The following SC5D variants were observed in gnomAD, a reference collection of about 807,000 sequenced individuals.
SC5D encodes the protein lathosterol oxidase.
SC5D carries 21 observed loss-of-function variants against 23.9 expected under a neutral mutation model. That is an observed-to-expected ratio of 0.88 (90% confidence interval 0.62 to 1.26). The LOEUF is 1.26. SC5D is among the 50% of genes most tolerant of loss of function. The pLI, the probability that SC5D is intolerant of heterozygous loss-of-function variation, is 0.00. For missense variants in SC5D, 309 were observed against 364.8 expected (o/e 0.85, Z 1.25); for synonymous variants, 113 against 125.9 (o/e 0.90, Z 0.68).
At chr11:121,298,889 T>G (rs1182626384) in intron 1 of SC5D, among the ~76,000 whole-genome samples, 1 of 151,578 alleles carries the variant, frequency 6.6e-6, no homozygotes, top group Non-Finnish European at 1.5e-5. Context: ...TCAAAGGGAG[T>G]TGTTCTCTTG....
intron 3 of SC5D, chr11:121,305,474 A>G (rs1047108338): frequency 7.9e-5 from 12 of 152,240 alleles, no homozygotes; most frequent in Admixed American, 7.9e-4. Context: ...CAATCCTGTA[A>G]TCCCAGCACT....
Position 121,307,519 on chromosome 11 carries a change from G to A in SC5D, c.*7G>A, listed in dbSNP as rs1284043914. The A allele has an allele frequency of 1.3e-6, 2 of 1,555,024 alleles. No homozygotes were observed. The highest frequency in any genetic ancestry group is 2.3e-5 in the South Asian group (2 of 86,466). ...GTTTACAAAGACTGAATAGATTATT[G>A]CCCAGTTATTCTTAAGTAAGGACAA... On this transcript the variant is annotated 3_prime_UTR_variant, in exon 5 of 5. Coordinates refer to ENST00000264027, the MANE Select transcript of SC5D (RefSeq NM_006918.5).
intron 2 of SC5D, 144 bp downstream of exon 2, chr11:121,303,729 ATGAGGGTTAATCCC>A: frequency 1.6e-6 from 1 of 640,722 alleles, no homozygotes; most frequent in Non-Finnish European, 2.7e-6. Flanking sequence ...AGATATTTTC[ATGAGGGTTAATCCC>A]TGCTCTCCTT....
intron 3 of SC5D, chr11:121,306,122 T>C: frequency 2.3e-6 from 1 of 435,796 alleles, no homozygotes; most frequent in East Asian, 4.8e-5. Context: ...CTTAGGAGTA[T>C]CCTGTCTCAC....
Position 121,311,681 on chromosome 11 carries a change from T to C in SC5D, c.*4169T>C, listed in dbSNP as rs1240599404. ...CAGGAACTTTGGAGATAAACAGGGC[T>C]CTGCCACTTGCAAGTTGCACCATCC... On this transcript the variant is annotated 3_prime_UTR_variant, in exon 5 of 5. Transcript: ENST00000264027. Among the ~76,000 whole-genome samples, 5 of 152,236 alleles carry C rather than the reference T, an allele frequency of 3.3e-5. No individual in the cohort carries two copies. Among genetic ancestry groups the C allele is most frequent in the African/African-American group, 1.2e-4 (5 of 41,458 alleles).
intron 1 of SC5D, among the ~76,000 whole-genome samples, chr11:121,296,823 A>C (rs920381219): frequency 6.6e-6 from 1 of 152,198 alleles, no homozygotes; most frequent in Non-Finnish European, 1.5e-5. Context: ...TTTCCTGACA[A>C]AGTGAGGAAA....
intron 2 of SC5D, 47 bp downstream of exon 2, chr11:121,303,632 C>T (rs377161081): frequency 2.1e-6 from 3 of 1,426,562 alleles, no homozygotes; most frequent in Non-Finnish European, 2.9e-6. Context: ...GTAAAAATAA[C>T]AATATGATAT....
rs1033717009 is a variant in SC5D at position 121,312,399 on chromosome 11, T to C, written c.*4887T>C. On this transcript the variant is annotated 3_prime_UTR_variant, in exon 5 of 5. Coordinates refer to ENST00000264027, the MANE Select transcript of SC5D (RefSeq NM_006918.5). ...ATGAGAAATTACATTCCCATTTCTT[T>C]AACAATTTGTAAATTCCAATTATCC... is the stretch of plus-strand genomic sequence containing the variant. Among the ~76,000 whole-genome samples the C allele has an allele frequency of 6.6e-6, 1 of 152,236 alleles. No homozygotes were observed. Among genetic ancestry groups the C allele is most frequent in the African/African-American group, 2.4e-5 (1 of 41,472 alleles).
In SC5D at chr11:121,307,560, C is replaced by A; in HGVS notation, c.*48C>A. 7.8e-7 allele frequency: 1 copy of A among 1,278,878 alleles called. No homozygotes were observed. Among genetic ancestry groups the A allele is most frequent in the Non-Finnish European group, 1.1e-6 (1 of 917,460 alleles). 79.2% of individuals were successfully genotyped at this position (1,278,878 alleles called of 1,614,324 possible). On this transcript the variant is annotated 3_prime_UTR_variant, in exon 5 of 5. Coordinates refer to ENST00000264027, the MANE Select transcript of SC5D (RefSeq NM_006918.5). Reference sequence around the variant, plus strand: ...GTAAGGACAAAGAAGGAAATATCATCGTATTTCTTTTTTTTAATAAGGAAA... The same window carrying A: ...GTAAGGACAAAGAAGGAAATATCATAGTATTTCTTTTTTTTAATAAGGAAA...
At position 121,306,497 on chromosome 11, in the gene SC5D, T is replaced by C. The variant is rs760625340; in HGVS notation, c.444+11T>C. ...AGACTGGTATATAAGGTAAAGTCAT[T>C]TGTGGTGAAAAGAGAAAAAAGGTTA... is the stretch of plus-strand genomic sequence containing the variant. On this transcript the variant is annotated intron_variant, in intron 4 of 4. Transcript: ENST00000264027. 104 of 1,259,482 alleles carry C rather than the reference T, an allele frequency of 8.3e-5. No homozygotes were observed. Among genetic ancestry groups the C allele is most frequent in the Non-Finnish European group, 4.1e-5 (35 of 856,464 alleles). The allele number at this position is 1,259,482 out of a possible 1,614,324, so 78.0% of individuals were successfully genotyped here. A position where few individuals can be genotyped will look rare whatever the true frequency, so the allele number is the denominator to read the frequency against.
At chr11:121,301,811 T>C (rs973390781) in intron 1 of SC5D, among the ~76,000 whole-genome samples, 53 of 152,128 alleles carry the variant, frequency 3.5e-4, no homozygotes, top group African/African-American at 1.3e-3. Context: ...ATGATATTTA[T>C]GTAGGGATGG....
At chr11:121,307,013 C>T (rs778072379) in intron 4 of SC5D, 44 bp from the exon 5 acceptor site, 59 of 1,515,592 alleles carry the variant, frequency 3.9e-5, no homozygotes, top group Non-Finnish European at 5.0e-5. Context: ...GAATGTTGCA[C>T]GGGGTAAAGT....
chr11:121,309,298 A>C lies in SC5D; in HGVS notation c.*1786A>C, dbSNP rs1183301074. 6.6e-6 allele frequency among the ~76,000 whole-genome samples: 1 copy of C among 152,156 alleles called. No homozygotes were observed. The highest frequency in any genetic ancestry group is 1.5e-5 in the Non-Finnish European group (1 of 68,026). On this transcript the variant is annotated 3_prime_UTR_variant, in exon 5 of 5. Transcript: ENST00000264027. ...GAAAAGAAGGAAAAGTCTGTGTGGA[A>C]AATGTTTCTGGGTCAGGCCTGGAAG...
At chr11:121,296,297 G>A (rs950855657) in intron 1 of SC5D, among the ~76,000 whole-genome samples, 5 of 152,194 alleles carry the variant, frequency 3.3e-5, no homozygotes, top group Non-Finnish European at 7.3e-5. Flanking sequence ...CAGCAGGACA[G>A]CAGATCCCTC....
rs1947995657 is a variant in SC5D at position 121,309,820 on chromosome 11, A to G, written c.*2308A>G. Among the ~76,000 whole-genome samples the G allele has an allele frequency of 2.6e-5, 4 of 152,224 alleles. No homozygotes were observed. The highest frequency in any genetic ancestry group is 2.0e-4 in the Admixed American group (3 of 15,286). On this transcript the variant is annotated 3_prime_UTR_variant, in exon 5 of 5. Transcript: ENST00000264027. ...TATTAGAGGAAGTCAGAGAATATTTATGGAAGTGAGGACCCAAATTACCTT... is the reference window on the plus strand; with the variant it reads ...TATTAGAGGAAGTCAGAGAATATTTGTGGAAGTGAGGACCCAAATTACCTT...
At chr11:121,306,306 A>C (rs774002211) in intron 3 of SC5D, 80 bp from the exon 4 acceptor site, 21 of 741,100 alleles carry the variant, frequency 2.8e-5, no homozygotes, top group Non-Finnish European at 4.9e-5. Context: ...CCCATTTTGC[A>C]CTCAGATGGA....
chr11:121,307,963 A>AGAT lies in SC5D; in HGVS notation c.*451_*452insGAT. The stretch of plus-strand genomic sequence containing the variant: ...ATTGTTTCTTGTTTCAGGAATGGTT[A>AGAT]ATTCTTCAACGTTGGTATGATAATG... On this transcript the variant is annotated 3_prime_UTR_variant, in exon 5 of 5. Coordinates refer to ENST00000264027, the MANE Select transcript of SC5D (RefSeq NM_006918.5). The AGAT allele has an allele frequency of 6.3e-6, 1 of 158,652 alleles. No individual in the cohort carries two copies. The allele number at this position is 158,652 out of a possible 1,614,324, so 9.8% of individuals were successfully genotyped here.
In SC5D at chr11:121,303,558, A is replaced by G. The variant is rs746772356; in HGVS notation, c.183A>G (p.Ala61=). ...GCTATTATTTTGTCTTCGATCATGC[A>G]TTAATGAAACATCCACAATTTTTAA... ...TLSYYFVFDH[A]LMKHPQFLKN... The change falls in exon 2 of 5, where the codon GCA becomes GCG. Residue 61 remains alanine, a synonymous_variant. Transcript: ENST00000264027. 11 of 1,613,134 alleles carry G rather than the reference A, an allele frequency of 6.8e-6. No homozygotes were observed. The highest frequency in any genetic ancestry group is 8.5e-6 in the Non-Finnish European group (10 of 1,179,288).
rs768458346 is a variant in SC5D, at chr11:121,307,755, A to G, written c.*243A>G. The G allele has an allele frequency of 7.0e-6, 3 of 427,440 alleles. No individual in the cohort carries two copies. The highest frequency in any genetic ancestry group is 1.3e-5 in the Non-Finnish European group (3 of 239,334). The allele number at this position is 427,440 out of a possible 1,614,324, so 26.5% of individuals were successfully genotyped here. A position where few individuals can be genotyped will look rare whatever the true frequency, so the allele number is the denominator to read the frequency against. On this transcript the variant is annotated 3_prime_UTR_variant, in exon 5 of 5. Transcript: ENST00000264027. Reference sequence around the variant, plus strand: ...AGATGTTGTTCGGGGGACAACTTGTATCTTTCTAGCAGCAGATCTGTAGTT... The same window carrying G: ...AGATGTTGTTCGGGGGACAACTTGTGTCTTTCTAGCAGCAGATCTGTAGTT...
Sources: gnomAD v4.1 joint callset for allele counts (sites outside exome capture counted in the v4.1 genomes callset) on GRCh38, gnomAD v4.1.1 for gene constraint, MANE v1.5 for transcripts, NCBI Gene and HGNC (gene_info 2026-07-23, HGNC 2026-07-21) for gene names.